TANC1: variants seen among roughly 807,000 people sequenced by gnomAD.
The protein encoded by TANC1 is tetratricopeptide repeat, ankyrin repeat and coiled-coil containing 1, also known as protein TANC1.
A neutral mutation model predicts 149.7 loss-of-function variants in TANC1; 77 were observed. The ratio of observed to expected loss-of-function variants is 0.51; its 90% confidence interval spans 0.43 to 0.62. The LOEUF is 0.62. Among genes scored for constraint, TANC1 ranks in the 20% least tolerant of loss-of-function variants. TANC1 has a pLI of 0.00. For synonymous variants in TANC1, 854 were observed against 925.0 expected (o/e 0.92, Z 1.39); for missense variants, 1,985 against 2,321.8 (o/e 0.85, Z 2.98).
At chr2:159,175,388 T>C (rs2055738294) in intron 12 of TANC1, among the ~76,000 whole-genome samples, 1 of 152,130 alleles carries the variant, frequency 6.6e-6, no homozygotes, top group Non-Finnish European at 1.5e-5. Context: ...TGGTATAGTG[T>C]TAAAAGAAGC....
intron 3 of TANC1, 39 bp downstream of exon 3, chr2:159,066,010 G>A (rs766147896): frequency 9.1e-6 from 14 of 1,533,886 alleles, no homozygotes; most frequent in Non-Finnish European, 1.2e-5. Context: ...CATGGACAGC[G>A]GGCAGCAAGC....
chr2:158,988,981 AG>A (rs2035324659), intron 1 of TANC1, among the ~76,000 whole-genome samples: 2 of 152,104 alleles, frequency 1.3e-5, no homozygotes, highest in South Asian at 4.1e-4. Flanking sequence ...CCTGGTCCAA[AG>A]GTCAGTTTTA....
intron 2 of TANC1, among the ~76,000 whole-genome samples, chr2:159,006,339 A>G (rs573432921): frequency 1.1e-4 from 17 of 151,836 alleles, no homozygotes; most frequent in African/African-American, 3.9e-4. Flanking sequence ...CAATCTGAAC[A>G]CTACATTAAT....
At chr2:159,025,447 C>G (rs1451240088) in intron 2 of TANC1, among the ~76,000 whole-genome samples, 1 of 152,024 alleles carries the variant, frequency 6.6e-6, no homozygotes, top group African/African-American at 2.4e-5. Flanking sequence ...TATATTTTAT[C>G]CCCAGCAATT....
Position 159,229,907 on chromosome 2 carries a change from G to C in TANC1, c.4481G>C (p.Gly1494Ala), listed in dbSNP as rs752499819. ...PSSYIRNLQE[G>A]LQSKGRPVSP... ...TCATACATCCGAAACCTTCAAGAAGGGTTACAGTCCAAAGGAAGGCCGGTA... is the reference window on the plus strand; with the variant it reads ...TCATACATCCGAAACCTTCAAGAAGCGTTACAGTCCAAAGGAAGGCCGGTA... Residue 1494 changes from glycine (G) to alanine (A), a missense_variant, in exon 27 of 27, where the codon GGG becomes GCG. Transcript: ENST00000263635. 1 of 1,614,076 alleles carries C rather than the reference G, an allele frequency of 6.2e-7. No individual in the cohort carries two copies. The highest frequency in any genetic ancestry group is 8.5e-7 in the Non-Finnish European group (1 of 1,180,038).
At chr2:159,123,332 G>A (rs113205278) in intron 4 of TANC1, among the ~76,000 whole-genome samples, 5,603 of 152,192 alleles carry the variant, frequency 0.037, 145 homozygotes, top group South Asian at 0.068. Context: ...GTCTTGACCT[G>A]GTCACTGTGG....
chr2:159,029,318 A>G (rs1460542934), intron 2 of TANC1, among the ~76,000 whole-genome samples: 4 of 152,208 alleles, frequency 2.6e-5, no homozygotes, highest in Non-Finnish European at 5.9e-5. Flanking sequence ...GAGTGAAAAT[A>G]GCTCTTTGGG....
Position 159,231,240 on chromosome 2 carries a change from T to G in TANC1, c.*228T>G, listed in dbSNP as rs1489536112. 4.4e-6 allele frequency: 2 copies of G among 457,630 alleles called. No homozygotes were observed. Among genetic ancestry groups the G allele is most frequent in the African/African-American group, 3.9e-5 (2 of 50,976 alleles). 28.3% of individuals were successfully genotyped at this position (457,630 alleles called of 1,614,324 possible). On this transcript the variant is annotated 3_prime_UTR_variant, in exon 27 of 27. Coordinates refer to ENST00000263635, the MANE Select transcript of TANC1 (RefSeq NM_033394.3). ...TTGAAAATTATATCAACTTAAAATT[T>G]TAAGACAGCCCAGAAGACATTAATG...
chr2:159,036,462 A>G (rs1280185457), intron 2 of TANC1, among the ~76,000 whole-genome samples: 5 of 152,068 alleles, frequency 3.3e-5, no homozygotes, highest in African/African-American at 9.7e-5. Flanking sequence ...TGCACCCATT[A>G]AGTCATCATT....
chr2:158,991,367 A>T (rs1408497992), intron 1 of TANC1, among the ~76,000 whole-genome samples: 2 of 152,200 alleles, frequency 1.3e-5, no homozygotes, highest in Non-Finnish European at 2.9e-5. Context: ...TGCAGATGTT[A>T]AAAGAATGAG....
At chr2:159,009,991 G>A (rs2037599427) in intron 2 of TANC1, among the ~76,000 whole-genome samples, 1 of 152,164 alleles carries the variant, frequency 6.6e-6, no homozygotes, top group Admixed American at 6.5e-5. Context: ...AAATATTTAA[G>A]TGTTATTGGA....
Position 159,224,468 on chromosome 2 carries a change from T to C in TANC1, c.3811+104T>C, listed in dbSNP as rs993237052. ...CCTGCTCCCAGGTTAGGAAGTAAGA[T>C]GTCAGATGTTTGCAGATCTCTGTCT... On this transcript the variant is annotated intron_variant, in intron 23 of 26. Coordinates refer to ENST00000263635, the MANE Select transcript of TANC1 (RefSeq NM_033394.3). 310 of 1,321,106 alleles carry C rather than the reference T, an allele frequency of 2.3e-4. 2 individuals carry two copies. Among genetic ancestry groups the C allele is most frequent in the Non-Finnish European group, 1.9e-4 (184 of 944,444 alleles). 81.8% of individuals were successfully genotyped at this position (1,321,106 alleles called of 1,614,324 possible). A position where few individuals can be genotyped will look rare whatever the true frequency, so the allele number is the denominator to read the frequency against.
At chr2:159,119,707 G>A (rs994908518) in intron 4 of TANC1, among the ~76,000 whole-genome samples, 2 of 152,160 alleles carry the variant, frequency 1.3e-5, no homozygotes, top group Non-Finnish European at 2.9e-5. Flanking sequence ...TGCAGGGGAC[G>A]GCAGCAGGCA....
intron 4 of TANC1, among the ~76,000 whole-genome samples, chr2:159,119,566 A>T (rs926711903): frequency 6.6e-6 from 1 of 152,230 alleles, no homozygotes; most frequent in Non-Finnish European, 1.5e-5. Flanking sequence ...GCTTTAACCA[A>T]TAAAAATTCG....
At chr2:159,010,145 A>G (rs188735919) in intron 2 of TANC1, among the ~76,000 whole-genome samples, 106 of 152,292 alleles carry the variant, frequency 7.0e-4, no homozygotes, top group African/African-American at 2.4e-3. Context: ...AAGATGAGCT[A>G]TGTAGGGAGC....
chr2:159,161,489 T>C (rs2054044206), intron 7 of TANC1, among the ~76,000 whole-genome samples: 1 of 152,228 alleles, frequency 6.6e-6, no homozygotes, highest in Admixed American at 6.5e-5. Flanking sequence ...TGGCCCCCAT[T>C]TTTATGCTTC....
At chr2:159,155,179 T>G (rs1333124612) in intron 7 of TANC1, among the ~76,000 whole-genome samples, 1 of 152,194 alleles carries the variant, frequency 6.6e-6, no homozygotes, top group African/African-American at 2.4e-5. Flanking sequence ...ATTTTAAGTG[T>G]GTATATTAGT....
In TANC1 at chr2:159,097,935, T is replaced by A. The variant is rs145600620; in HGVS notation, c.259+101T>A. 19 of 1,072,712 alleles carry A rather than the reference T, an allele frequency of 1.8e-5. No homozygotes were observed. The African/African-American group carries it at 2.4e-4, about 13-fold the overall frequency. 66.4% of individuals were successfully genotyped at this position (1,072,712 alleles called of 1,614,324 possible). On this transcript the variant is annotated intron_variant, in intron 4 of 26. Coordinates refer to ENST00000263635, the MANE Select transcript of TANC1 (RefSeq NM_033394.3). ...TGAGAAATCTTCTGGGACAATGTTT[T>A]TTCTTTGTCGCAGTATCTTCTAGAA...
At chr2:159,016,541 AT>A (rs34990286) in intron 2 of TANC1, among the ~76,000 whole-genome samples, 26 of 146,290 alleles carry the variant, frequency 1.8e-4, no homozygotes, top group South Asian at 8.7e-4. Flanking sequence ...TTTAATAAGT[AT>A]TTTTTTTTAG....
Sources: allele counts gnomAD v4.1 joint callset (sites outside exome capture counted in the v4.1 genomes callset), GRCh38; gene constraint gnomAD v4.1.1; transcripts MANE v1.5; gene names NCBI Gene and HGNC (gene_info 2026-07-23, HGNC 2026-07-21).